ARHGEF10L: variants seen among roughly 807,000 people sequenced by gnomAD.
The protein encoded by ARHGEF10L is rho guanine nucleotide exchange factor 10-like protein.
A neutral mutation model predicts 141.2 loss-of-function variants in ARHGEF10L; 69 were observed. That is an observed-to-expected ratio of 0.49 (90% CI 0.40 to 0.60). ARHGEF10L has a LOEUF of 0.60. Ranked by LOEUF, ARHGEF10L falls within the 20% of genes least tolerant of loss-of-function variation. The probability of loss-of-function intolerance (pLI) is 0.00; values close to 1 mark genes in which losing one functional copy is unlikely to be tolerated. For missense variants in ARHGEF10L, 1,482 were observed against 1,734.3 expected (o/e 0.85, Z 2.58); for synonymous variants, 711 against 718.5 (o/e 0.99, Z 0.17).
At chr1:17,588,040 C>T (rs2079173766) in intron 3 of ARHGEF10L, among the ~76,000 whole-genome samples, 1 of 152,116 alleles carries the variant, frequency 6.6e-6, no homozygotes, top group African/African-American at 2.4e-5. Context: ...GCAGGAGGGC[C>T]CTGATAAGCT....
At chr1:17,598,276 A>G (rs1217001427) in intron 4 of ARHGEF10L, among the ~76,000 whole-genome samples, 1 of 151,918 alleles carries the variant, frequency 6.6e-6, no homozygotes, top group Non-Finnish European at 1.5e-5. Context: ...TAATTTTTGT[A>G]TTTTTGGTAG....
chr1:17,565,711 G>A (rs2077725604), intron 1 of ARHGEF10L, among the ~76,000 whole-genome samples: 2 of 152,332 alleles, frequency 1.3e-5, no homozygotes, highest in South Asian at 4.1e-4. Context: ...CAGGGCAGGA[G>A]GGTGCAGCTC....
chr1:17,630,054 GGGTAGGTT>G (rs2060592997), intron 15 of ARHGEF10L, among the ~76,000 whole-genome samples: 1 of 152,212 alleles, frequency 6.6e-6, no homozygotes, highest in South Asian at 2.1e-4. Flanking sequence ...TGCTGGGTGA[GGGTAGGTT>G]GGACCATGTG....
intron 1 of ARHGEF10L, among the ~76,000 whole-genome samples, chr1:17,576,137 T>A (rs1289685348): frequency 6.7e-6 from 1 of 150,124 alleles, no homozygotes; most frequent in African/African-American, 2.5e-5. Context: ...CTCATTCAGG[T>A]GGAAGAGGGA....
intron 2 of ARHGEF10L, 42 bp from the exon 3 acceptor site, chr1:17,587,418 C>A: frequency 6.3e-7 from 1 of 1,587,518 alleles, no homozygotes; most frequent in Non-Finnish European, 8.6e-7. Flanking sequence ...TTGACCAAAC[C>A]TCGGAGATCC....
chr1:17,675,115 T>C (rs1303571325), intron 26 of ARHGEF10L, among the ~76,000 whole-genome samples: 1 of 152,112 alleles, frequency 6.6e-6, no homozygotes, highest in Non-Finnish European at 1.5e-5. Context: ...CCACTCCCCC[T>C]CCCCAGCCCT....
chr1:17,523,822 C>A, the ARHGEF10L span, among the ~76,000 whole-genome samples: 1 of 152,176 alleles, frequency 6.6e-6, no homozygotes, highest in Non-Finnish European at 1.5e-5. Flanking sequence ...AGTGCAGGGG[C>A]TGGTGATTTA....
In ARHGEF10L at chr1:17,539,707, A is replaced by ACGGCGG. The variant is rs1315784269; in HGVS notation, c.-277_-272dup. 2.1e-5 allele frequency: 3 copies of ACGGCGG among 143,494 alleles called. No individual in the cohort carries two copies. The highest frequency in any genetic ancestry group is 4.1e-4 in the South Asian group (2 of 4,902). 8.9% of individuals were successfully genotyped at this position (143,494 alleles called of 1,614,324 possible). ...GGGCGGGGGCGGCGCCGCGTCGCGC[A>ACGGCGG]CGGCGGCGGCGGCGGGACCAGGCCT... On this transcript the variant is annotated 5_prime_UTR_variant, in exon 1 of 29. Coordinates refer to ENST00000361221, the MANE Select transcript of ARHGEF10L (RefSeq NM_018125.4). This position sits in a 1 kb window ranked among gnomAD's most constrained non-coding sequence, Gnocchi z 6.0.
intron 25 of ARHGEF10L, among the ~76,000 whole-genome samples, chr1:17,659,384 G>T (rs779589552): frequency 6.6e-6 from 1 of 152,178 alleles, no homozygotes; most frequent in Non-Finnish European, 1.5e-5. Flanking sequence ...GTATGTGGTG[G>T]GCAGGATTCA....
intron 21 of ARHGEF10L, among the ~76,000 whole-genome samples, chr1:17,646,323 C>T (rs116675749): frequency 8.4e-4 from 128 of 152,332 alleles, no homozygotes; most frequent in Non-Finnish European, 1.5e-3. Context: ...CTCTCTGACC[C>T]GGCAGGATCT....
intron 4 of ARHGEF10L, among the ~76,000 whole-genome samples, chr1:17,595,220 CTTTTTTTTTTTTT>C (rs58475060): frequency 3.8e-5 from 4 of 106,104 alleles, no homozygotes; most frequent in African/African-American, 7.3e-5. Flanking sequence ...CGTGGCTCAC[CTTTTTTTTTTTTT>C]TTTTTTTTTT....
intron 1 of ARHGEF10L, among the ~76,000 whole-genome samples, chr1:17,549,929 A>G (rs2077050069): frequency 6.6e-6 from 1 of 152,200 alleles, no homozygotes; most frequent in African/African-American, 2.4e-5. Context: ...CCAATAACCC[A>G]TGGTCCAGCA....
intron 19 of ARHGEF10L, among the ~76,000 whole-genome samples, 166 bp downstream of exon 19, chr1:17,638,169 T>C (rs929489087): frequency 6.6e-6 from 1 of 152,256 alleles, no homozygotes; most frequent in Non-Finnish European, 1.5e-5. Flanking sequence ...TCCATGTCCC[T>C]GCCTGGAAGT....
chr1:17,691,207 G>C (rs1457518811), intron 27 of ARHGEF10L: 1 of 427,062 alleles, frequency 2.3e-6, no homozygotes, highest in African/African-American at 2.1e-5. Flanking sequence ...GTTGAACACT[G>C]CCGCATTAAG....
At position 17,625,959 on chromosome 1, in the gene ARHGEF10L, C is replaced by T. The variant is rs1469588059; in HGVS notation, c.1321C>T (p.Arg441Trp). ...GACGGAACCTTGTCTCCACCAGCGACGGCAGGTGTGCAGCCCAGACCGTGT... is the reference window on the plus strand; with the variant it reads ...GACGGAACCTTGTCTCCACCAGCGATGGCAGGTGTGCAGCCCAGACCGTGT... The part of the protein sequence containing the change: ...KPAFLEFLKR[R>W]QVCSPDRVTL... Residue 441 changes from arginine to tryptophan, a missense_variant, in exon 14 of 29, where the codon CGG becomes TGG. Coordinates refer to ENST00000361221, the MANE Select transcript of ARHGEF10L (RefSeq NM_018125.4). The surrounding 1 kb of genome is among the most constrained non-coding windows in gnomAD (Gnocchi z 4.5). 9.9e-6 allele frequency: 16 copies of T among 1,613,606 alleles called. No individual in the cohort carries two copies. The highest frequency in any genetic ancestry group is 1.7e-5 in the Admixed American group (1 of 59,992).
intron 1 of ARHGEF10L, among the ~76,000 whole-genome samples, chr1:17,552,060 T>G (rs1176414251): frequency 6.6e-6 from 1 of 152,214 alleles, no homozygotes; most frequent in African/African-American, 2.4e-5. Flanking sequence ...TTTAAGCAGT[T>G]TCCTGGGCAT....
At chr1:17,661,291 T>A (rs2062608986) in intron 25 of ARHGEF10L, among the ~76,000 whole-genome samples, 1 of 152,240 alleles carries the variant, frequency 6.6e-6, no homozygotes, top group Admixed American at 6.5e-5. Flanking sequence ...TTGGCTAGGC[T>A]GGTCTCGAAC....
At chr1:17,677,155 C>T (rs887126719) in intron 26 of ARHGEF10L, among the ~76,000 whole-genome samples, 2 of 152,110 alleles carry the variant, frequency 1.3e-5, no homozygotes, top group South Asian at 2.1e-4. Flanking sequence ...AATCCCTTTA[C>T]GTCAGGTGAG....
At chr1:17,614,021 C>T (rs2101146732) in intron 8 of ARHGEF10L, among the ~76,000 whole-genome samples, 1 of 152,344 alleles carries the variant, frequency 6.6e-6, no homozygotes, top group East Asian at 1.9e-4. Context: ...TGCCTGACCG[C>T]CCTGTCCTTG....
Sources: allele counts gnomAD v4.1 joint callset (sites outside exome capture counted in the v4.1 genomes callset), GRCh38; gene constraint gnomAD v4.1.1; non-coding constraint Gnocchi (gnomAD v3.1); transcripts MANE v1.5; gene names NCBI Gene and HGNC (gene_info 2026-07-23, HGNC 2026-07-21).